The following IQGAP1 variants were observed in gnomAD, a reference collection of about 807,000 sequenced individuals.
IQGAP1 encodes the protein ras GTPase-activating-like protein IQGAP1.
A neutral mutation model predicts 215.6 loss-of-function variants in IQGAP1; 66 were observed. That is an observed-to-expected ratio of 0.31 (90% CI 0.25 to 0.38). The LOEUF is 0.38. Among genes scored for constraint, IQGAP1 ranks in the 10% least tolerant of loss-of-function variants. The probability of loss-of-function intolerance (pLI) is 1.00; values close to 1 mark genes in which losing one functional copy is unlikely to be tolerated. For synonymous variants in IQGAP1, 772 were observed against 728.7 expected, an observed-to-expected ratio of 1.06 and a Z score of -0.96; for missense variants, 1,712 against 1,997.1, an observed-to-expected ratio of 0.86 and a Z score of 2.72.
At chr15:90,495,976 A>G (rs1013706822) in intron 36 of IQGAP1, among the ~76,000 whole-genome samples, 1 of 150,664 alleles carries the variant, frequency 6.6e-6, no homozygotes, top group African/African-American at 2.4e-5. Flanking sequence ...ATTATCTTCC[A>G]CTACTGTTCA....
Position 90,487,998 on chromosome 15 carries a change from A to G in IQGAP1, c.4248+416A>G, listed in dbSNP as rs1032592601. Among the ~76,000 whole-genome samples the G allele has an allele frequency of 5.3e-5, 8 of 152,150 alleles. No homozygotes were observed. The East Asian group carries it at 5.8e-4, about 11-fold the overall frequency. On this transcript the variant is annotated intron_variant, in intron 33 of 37. Transcript: ENST00000268182. Reference sequence around the variant, plus strand: ...AGCACTTTGGGAGGCTGAGGTGGGTAGTTCACGAGGTCAGGAGATTGTGAC... The same window carrying G: ...AGCACTTTGGGAGGCTGAGGTGGGTGGTTCACGAGGTCAGGAGATTGTGAC...
chr15:90,494,669 G>T (rs1966248832), intron 35 of IQGAP1, 44 bp from the exon 36 acceptor site: 1 of 1,549,524 alleles, frequency 6.5e-7, no homozygotes, highest in South Asian at 1.2e-5. Context: ...AAGATTCAGA[G>T]TAGATGGTTA....
intron 18 of IQGAP1, among the ~76,000 whole-genome samples, chr15:90,471,742 C>T (rs537979085): frequency 3.3e-5 from 5 of 152,048 alleles, no homozygotes; most frequent in Admixed American, 1.3e-4. Flanking sequence ...TCAGGTGATC[C>T]ACCCACCTCA....
intron 2 of IQGAP1, among the ~76,000 whole-genome samples, chr15:90,421,611 G>A (rs1965137843): frequency 6.6e-6 from 1 of 152,212 alleles, no homozygotes; most frequent in Non-Finnish European, 1.5e-5. Context: ...TAATGAAGAA[G>A]GTGATAGTCC....
chr15:90,398,731 G>T (rs900408462), intron 2 of IQGAP1, among the ~76,000 whole-genome samples: 1 of 152,074 alleles, frequency 6.6e-6, no homozygotes, highest in South Asian at 2.1e-4. Flanking sequence ...GGCTGGGCGC[G>T]GTGGCTCACA....
Position 90,477,137 on chromosome 15 carries a change from CTG to C in IQGAP1, c.3013_3014del (p.Val1005AsnfsTer22). ...AACAAGTCCACCAAGTTCATGGACT[CTG>C]TAATCTTCACACTCTACAACTACGC... is the stretch of plus-strand genomic sequence containing the variant. On this transcript the variant is annotated frameshift_variant, in exon 25 of 38. Transcript: ENST00000268182. LOFTEE classifies it high-confidence loss of function. 1 of 1,614,068 alleles carries C rather than the reference CTG, an allele frequency of 6.2e-7. No homozygotes were observed. Among genetic ancestry groups the C allele is most frequent in the Non-Finnish European group, 8.5e-7 (1 of 1,179,952 alleles).
intron 36 of IQGAP1, among the ~76,000 whole-genome samples, chr15:90,495,168 C>G (rs1302287609): frequency 6.6e-6 from 1 of 152,158 alleles, no homozygotes; most frequent in Non-Finnish European, 1.5e-5. Flanking sequence ...GAGGAGTTTG[C>G]TTTATTCCAC....
intron 2 of IQGAP1, among the ~76,000 whole-genome samples, chr15:90,398,501 T>C (rs1964758329): frequency 6.6e-6 from 1 of 152,334 alleles, no homozygotes; most frequent in East Asian, 1.9e-4. Context: ...TTTTTAGATA[T>C]AATCACAAAT....
intron 2 of IQGAP1, among the ~76,000 whole-genome samples, chr15:90,409,164 C>A (rs917948746): frequency 6.6e-6 from 1 of 151,710 alleles, no homozygotes; most frequent in East Asian, 1.9e-4. Context: ...ATTCAAGATA[C>A]ACTTCCTTAC....
intron 33 of IQGAP1, among the ~76,000 whole-genome samples, chr15:90,490,943 G>A (rs1966194491): frequency 6.6e-6 from 1 of 152,102 alleles, no homozygotes; most frequent in African/African-American, 2.4e-5. Flanking sequence ...TGAGTAGCTG[G>A]GACTACAGGC....
In IQGAP1 at chr15:90,399,222, G is replaced by T. The variant is rs57323858; in HGVS notation, c.155+8349G>T. Among the ~76,000 whole-genome samples, 746 of 151,998 alleles carry T rather than the reference G, an allele frequency of 4.9e-3. 10 individuals are homozygous for T. The highest frequency in any genetic ancestry group is 0.017 in the African/African-American group (725 of 41,434). Reference sequence around the variant, plus strand: ...AGGCTATCCTTCGCTAAAGTGCTGGGATACAGGCGTGAGCAGCCACACCTG... The same window carrying T: ...AGGCTATCCTTCGCTAAAGTGCTGGTATACAGGCGTGAGCAGCCACACCTG... On this transcript the variant is annotated intron_variant, in intron 2 of 37. Coordinates refer to ENST00000268182, the MANE Select transcript of IQGAP1 (RefSeq NM_003870.4).
intron 2 of IQGAP1, among the ~76,000 whole-genome samples, chr15:90,413,142 A>T (rs6496671): frequency 2.3e-4 from 35 of 152,290 alleles, no homozygotes; most frequent in African/African-American, 8.2e-4. Context: ...CAGTAAGACA[A>T]GATAGACAGG....
chr15:90,467,064 C>T (rs1413630592), intron 17 of IQGAP1, among the ~76,000 whole-genome samples: 1 of 151,984 alleles, frequency 6.6e-6, no homozygotes, highest in Non-Finnish European at 1.5e-5. Flanking sequence ...TGCATTCCAG[C>T]CTGGGCAACA....
chr15:90,492,580 A>G lies in IQGAP1; in HGVS notation c.4497A>G (p.Arg1499=). 1 of 1,611,888 alleles carries G rather than the reference A, an allele frequency of 6.2e-7. No homozygotes were observed. The change falls in exon 35 of 38, where the codon AGA becomes AGG. Residue 1499 remains arginine, a synonymous_variant. Coordinates refer to ENST00000268182, the MANE Select transcript of IQGAP1 (RefSeq NM_003870.4). ...ATCAGCGGAGGTACCGACAGAGGAGAAAGGCCGAACTAGTGAAACTGCAAC... is the reference window on the plus strand; with the variant it reads ...ATCAGCGGAGGTACCGACAGAGGAGGAAGGCCGAACTAGTGAAACTGCAAC... ...IRNQRRYRQR[R]KAELVKLQQT... is the part of the protein sequence containing the mutation.
intron 11 of IQGAP1, among the ~76,000 whole-genome samples, chr15:90,451,457 A>G (rs1044049471): frequency 6.6e-6 from 1 of 152,118 alleles, no homozygotes; most frequent in Non-Finnish European, 1.5e-5. Context: ...ATAACAACCC[A>G]TTCTAATGAG....
At chr15:90,486,878 C>T (rs11637007) in intron 31 of IQGAP1, 76 bp from the exon 32 acceptor site, 5 of 1,423,676 alleles carry the variant, frequency 3.5e-6, no homozygotes, top group Non-Finnish European at 4.9e-6. Flanking sequence ...CTTGCATCAT[C>T]TTATATTTGT....
chr15:90,450,328 AC>A (rs1965584249), intron 11 of IQGAP1, among the ~76,000 whole-genome samples: 11 of 90,102 alleles, frequency 1.2e-4, no homozygotes, highest in Admixed American at 1.1e-3. Context: ...TGTATACACT[AC>A]CTTTTTTTTT....
At chr15:90,497,806 T>G (rs1224447547) in intron 37 of IQGAP1, among the ~76,000 whole-genome samples, 1 of 152,236 alleles carries the variant, frequency 6.6e-6, no homozygotes, top group Non-Finnish European at 1.5e-5. Flanking sequence ...AATTCATTTT[T>G]GTAGCATAAA....
chr15:90,431,410 C>T (rs1965301574), intron 4 of IQGAP1, among the ~76,000 whole-genome samples: 1 of 152,212 alleles, frequency 6.6e-6, no homozygotes, highest in East Asian at 1.9e-4. Flanking sequence ...CACTGTGCAC[C>T]TGTAACTTCC....
Sources: allele counts gnomAD v4.1 joint callset (sites outside exome capture counted in the v4.1 genomes callset), GRCh38; gene constraint gnomAD v4.1.1; transcripts MANE v1.5; gene names NCBI Gene and HGNC (gene_info 2026-07-23, HGNC 2026-07-21).